PMVK: variants seen among roughly 807,000 people sequenced by gnomAD.
PMVK encodes the protein testis tissue sperm-binding protein Li 95mP.
Under a neutral mutation model 19.0 loss-of-function variants are expected in PMVK, and 10 were observed. The observed-to-expected ratio is 0.53, with a 90% confidence interval of 0.32 to 0.89. The LOEUF (loss-of-function observed/expected upper bound fraction) is 0.89, where lower values mean the gene tolerates loss of function less well. Ranked by LOEUF, PMVK falls within the 40% of genes least tolerant of loss-of-function variation. The pLI is 0.03. For missense variants in PMVK, 222 were observed against 251.1 expected (o/e 0.88, Z 0.78); for synonymous variants, 108 against 101.6 (o/e 1.06, Z -0.38).
At chr1:154,932,306 G>C (rs376423446) in intron 2 of PMVK, 46 bp downstream of exon 2, 173 of 1,413,842 alleles carry the variant, frequency 1.2e-4, no homozygotes, top group Admixed American at 8.4e-4. Context: ...CAAAGTCCTG[G>C]AGCCGGCCCC....
chr1:154,925,309 A>T, intron 4 of PMVK, 44 bp from the exon 5 acceptor site: 1 of 1,609,910 alleles, frequency 6.2e-7, no homozygotes, highest in Non-Finnish European at 8.5e-7. Flanking sequence ...CCCTCCAGAC[A>T]GACAGCAGGC....
rs1202268487 is a variant in PMVK at position 154,925,175 on chromosome 1, T to C, written c.533A>G (p.Glu178Gly). 1.3e-6 allele frequency: 2 copies of C among 1,596,076 alleles called. No homozygotes were observed. Among genetic ancestry groups the C allele is most frequent in the Non-Finnish European group, 1.7e-6 (2 of 1,169,386 alleles). Reference sequence around the variant, plus strand: ...TTCTATCAGGTTCTCCAACTGCTCCTCCAGGCGCTGTTCAACTCCATGGTT... The same window carrying C: ...TTCTATCAGGTTCTCCAACTGCTCCCCCAGGCGCTGTTCAACTCCATGGTT... ...IENHGVEQRL[E>G]EQLENLIEFI... Residue 178 changes from glutamate to glycine, a missense_variant, in exon 5 of 5, where the codon GAG becomes GGG. Physicochemically the swap from Glu to Gly is moderately conservative, Grantham distance 98. Coordinates refer to ENST00000368467, the MANE Select transcript of PMVK (RefSeq NM_006556.4).
At chr1:154,940,888 C>A (rs1481023081), upstream of PMVK, among the ~76,000 whole-genome samples, 1 of 152,190 alleles carries the variant, frequency 6.6e-6, no homozygotes, top group Admixed American at 6.5e-5. Context: ...CCCAGTTTCC[C>A]CCTTAGAGGT....
intron 2 of PMVK, among the ~76,000 whole-genome samples, chr1:154,930,448 G>A (rs912852341): frequency 3.9e-5 from 6 of 152,138 alleles, no homozygotes; most frequent in Admixed American, 2.6e-4. Flanking sequence ...GCGACAGAGC[G>A]AGACTCCGTC....
intron 1 of PMVK, among the ~76,000 whole-genome samples, chr1:154,934,869 C>G (rs991936030): frequency 1.3e-5 from 2 of 151,830 alleles, no homozygotes; most frequent in African/African-American, 2.4e-5. Flanking sequence ...TCCAGACCAG[C>G]CTGGCCAACA....
chr1:154,929,206 C>G, intron 2 of PMVK, 30 bp from the exon 3 acceptor site: 1 of 1,611,146 alleles, frequency 6.2e-7, no homozygotes, highest in African/African-American at 1.3e-5. Flanking sequence ...TCTACGTCAC[C>G]GGCCTTTCAA....
Position 154,925,009 on chromosome 1 carries a change from A to T in PMVK, c.*120T>A. 1 of 422,614 alleles carries T rather than the reference A, an allele frequency of 2.4e-6. No homozygotes were observed. Among genetic ancestry groups the T allele is most frequent in the Non-Finnish European group, 3.9e-6 (1 of 258,308 alleles). 26.2% of individuals were successfully genotyped at this position (422,614 alleles called of 1,614,324 possible). A position where few individuals can be genotyped will look rare whatever the true frequency, so the allele number is the denominator to read the frequency against. ...TTGCCCAATATCCACCAACCCCCTC[A>T]GAATCTAGACCCCCCCTGTCTGTTC... On this transcript the variant is annotated 3_prime_UTR_variant, in exon 5 of 5. Coordinates refer to ENST00000368467, the MANE Select transcript of PMVK (RefSeq NM_006556.4).
chr1:154,939,854 C>T (rs185074418), upstream of PMVK, among the ~76,000 whole-genome samples: 494 of 152,160 alleles, frequency 3.2e-3, 3 homozygotes, highest in Admixed American at 5.2e-3. Flanking sequence ...GCCTTGATGT[C>T]CTGGGCTCAA....
chr1:154,940,395 G>A (rs920416447), upstream of PMVK, among the ~76,000 whole-genome samples: 2 of 152,220 alleles, frequency 1.3e-5, no homozygotes, highest in Non-Finnish European at 2.9e-5. Context: ...AAGGGGCCCT[G>A]CTCTGGAGAG....
At chr1:154,940,856 A>G (rs948929341), upstream of PMVK, among the ~76,000 whole-genome samples, 1 of 152,146 alleles carries the variant, frequency 6.6e-6, no homozygotes, top group Admixed American at 6.6e-5. Flanking sequence ...CTTTCCTCCC[A>G]TATCAGTAGC....
chr1:154,927,083 C>T lies in PMVK; in HGVS notation c.313-600G>A, dbSNP rs779676220. On this transcript the variant is annotated intron_variant, in intron 3 of 4. Coordinates refer to ENST00000368467, the MANE Select transcript of PMVK (RefSeq NM_006556.4). ...CTGTTGGTTTTCTCTTCAAAATACACGCAAAATTGACCCCTTCTCTCCACT... is the reference window on the plus strand; with the variant it reads ...CTGTTGGTTTTCTCTTCAAAATACATGCAAAATTGACCCCTTCTCTCCACT... Among the ~76,000 whole-genome samples the T allele has an allele frequency of 5.3e-5, 8 of 152,074 alleles. No homozygotes were observed. In the East Asian group the frequency reaches 5.8e-4, roughly 11 times the overall value.
chr1:154,936,851 T>G (rs1654524807), upstream of PMVK: 1 of 618,250 alleles, frequency 1.6e-6, no homozygotes, highest in Non-Finnish European at 2.9e-6. Flanking sequence ...GACCGTGCCC[T>G]CAGCTCATGT....
At chr1:154,936,461 G>A in intron 1 of PMVK, 130 bp downstream of exon 1, 8 of 1,482,664 alleles carry the variant, frequency 5.4e-6, no homozygotes, top group Non-Finnish European at 7.2e-6. Flanking sequence ...ACCTTCCCCA[G>A]CCCAGTGCTC....
At chr1:154,934,637 A>C (rs1483300339) in intron 1 of PMVK, among the ~76,000 whole-genome samples, 3 of 152,188 alleles carry the variant, frequency 2.0e-5, no homozygotes, top group Admixed American at 6.5e-5. Context: ...GATTGGTAAA[A>C]TAAATATAGC....
chr1:154,927,510 C>G (rs1318982712), intron 3 of PMVK, among the ~76,000 whole-genome samples: 1 of 149,416 alleles, frequency 6.7e-6, no homozygotes, highest in East Asian at 2.0e-4. Context: ...CCCTGTGCTT[C>G]TGCTCCCATC....
At chr1:154,935,843 T>A (rs1654487055) in intron 1 of PMVK, among the ~76,000 whole-genome samples, 1 of 146,636 alleles carries the variant, frequency 6.8e-6, no homozygotes, top group Non-Finnish European at 1.5e-5. Context: ...GTGCTCGCCA[T>A]CGCACTAGGC....
upstream of PMVK, chr1:154,937,708 T>G (rs768987059): frequency 2.6e-5 from 4 of 152,250 alleles, no homozygotes; most frequent in Admixed American, 2.0e-4. Context: ...AACTCATTAC[T>G]GCCTCCACTA....
At chr1:154,934,598 C>A (rs549122573) in intron 1 of PMVK, among the ~76,000 whole-genome samples, 25 of 152,200 alleles carry the variant, frequency 1.6e-4, no homozygotes, top group Admixed American at 1.5e-3. Flanking sequence ...TTGACTCCCC[C>A]AAAGCAACAC....
intron 4 of PMVK, 108 bp from the exon 5 acceptor site, chr1:154,925,373 AC>A: frequency 8.2e-6 from 10 of 1,219,676 alleles, no homozygotes; most frequent in Middle Eastern, 2.1e-4. Context: ...CTCCTCTGCT[AC>A]CCTAGAGCCA....
Sources: allele counts gnomAD v4.1 joint callset (sites outside exome capture counted in the v4.1 genomes callset), GRCh38; gene constraint gnomAD v4.1.1; transcripts MANE v1.5; gene names NCBI Gene and HGNC (gene_info 2026-07-23, HGNC 2026-07-21).